ANKRD17: variants seen among roughly 807,000 people sequenced by gnomAD.
The protein encoded by ANKRD17 is ankyrin repeat domain-containing protein 17.
In ANKRD17, 19 loss-of-function variants were observed where a neutral mutation model predicts 229.7. The ratio of observed to expected loss-of-function variants is 0.08; its 90% CI spans 0.06 to 0.12. ANKRD17 has a LOEUF of 0.12. ANKRD17 is among the 10% of genes least tolerant of loss of function. The pLI, the probability that ANKRD17 is intolerant of heterozygous loss-of-function variation, is 1.00. For synonymous variants in ANKRD17, 1,112 were observed against 1,146.1 expected (o/e 0.97, Z 0.60); for missense variants, 2,176 against 3,176.8 (o/e 0.68, Z 7.57).
chr4:73,172,415 A>G (rs548551614), intron 2 of ANKRD17, among the ~76,000 whole-genome samples: 11 of 152,204 alleles, frequency 7.2e-5, no homozygotes, highest in Non-Finnish European at 1.6e-4. Context: ...AAGAAACACT[A>G]AAGAGATTTC....
intron 1 of ANKRD17, among the ~76,000 whole-genome samples, chr4:73,213,232 C>CAGATT (rs1337851806): frequency 6.6e-6 from 1 of 151,990 alleles, no homozygotes; most frequent in Non-Finnish European, 1.5e-5. Flanking sequence ...GGCAACAGGA[C>CAGATT]AGATTCAAGG....
rs1052219427 is a variant in ANKRD17, at chr4:73,074,512, A to T, written c.*1719T>A. 1 of 151,896 alleles carries T rather than the reference A, an allele frequency of 6.6e-6. No individual in the cohort carries two copies. Among genetic ancestry groups the T allele is most frequent in the African/African-American group, 2.4e-5 (1 of 41,410 alleles). 9.4% of individuals were successfully genotyped at this position (151,896 alleles called of 1,614,324 possible). A position where few individuals can be genotyped will look rare whatever the true frequency, so the allele number is the denominator to read the frequency against. ...TGGGCATATTAAACATAGGTGGAAA[A>T]ACAAATTTATATATTTTAAGACCAC... On this transcript the variant is annotated 3_prime_UTR_variant, in exon 34 of 34. Transcript: ENST00000358602.
Position 73,091,069 on chromosome 4 carries a change from C to T in ANKRD17, c.6559G>A (p.Ala2187Thr), listed in dbSNP as rs775457215. 6.2e-7 allele frequency: 1 copy of T among 1,614,106 alleles called. No homozygotes were observed. The highest frequency in any genetic ancestry group is 8.5e-7 in the Non-Finnish European group (1 of 1,180,026). ...AIRPPPHGTT[A>T]PHKNSASVQN... is the part of the protein sequence containing the mutation. ...ACTGAAGCTGAATTCTTGTGAGGGGCAGTTGTGCCATGAGGGGGTGGTCTA... is the reference window on the plus strand; with the variant it reads ...ACTGAAGCTGAATTCTTGTGAGGGGTAGTTGTGCCATGAGGGGGTGGTCTA... The change falls in exon 29 of 34, where the codon GCC becomes ACC. Residue 2187 changes from alanine (A) to threonine (T), a missense_variant. Physicochemically the swap from Ala to Thr is moderately conservative, Grantham distance 58. Around this residue, in one of 18 missense-constraint regions of ANKRD17, gnomAD observed 424 missense variants for 454.0 expected, o/e 0.93. Transcript: ENST00000358602.
Position 73,140,263 on chromosome 4 carries a change from T to C in ANKRD17, c.2353A>G (p.Ser785Gly), listed in dbSNP as rs753434261. Residue 785 changes from serine to glycine, a missense_variant, in exon 15 of 34, where the codon AGC becomes GGC. By Grantham distance (56) the Ser-to-Gly change is moderately conservative. Coordinates refer to ENST00000358602, the MANE Select transcript of ANKRD17 (RefSeq NM_032217.5). ...RNKAASKQKS[S>G]SHLPANSQDV... is the part of the protein sequence containing the mutation. ...TGGCTGTTTGCTGGCAAATGGCTGC[T>C]GGACTTTTGTTTAGAAGCAGCTGTG... 5.0e-6 allele frequency: 8 copies of C among 1,597,778 alleles called. No homozygotes were observed. In the Middle Eastern group the frequency reaches 6.7e-4, roughly 134 times the overall value.
At chr4:73,220,304 A>C (rs1427905836) in intron 1 of ANKRD17, among the ~76,000 whole-genome samples, 2 of 152,088 alleles carry the variant, frequency 1.3e-5, no homozygotes, top group Admixed American at 1.3e-4. Flanking sequence ...CCTTTTACAG[A>C]AGGTAGGCAG....
chr4:73,122,304 C>T (rs567571004), intron 18 of ANKRD17, among the ~76,000 whole-genome samples: 1 of 152,188 alleles, frequency 6.6e-6, no homozygotes, highest in Admixed American at 6.5e-5. Flanking sequence ...TAAGAAATTG[C>T]CAGGCTATTC....
intron 2 of ANKRD17, chr4:73,169,139 T>C (rs1016706787): frequency 1.3e-5 from 2 of 152,186 alleles, no homozygotes; most frequent in African/African-American, 4.8e-5. Context: ...TGGTATTCCA[T>C]GATGTAAAAT....
In ANKRD17 at chr4:73,115,898, G is replaced by A. The variant is rs528309707; in HGVS notation, c.4207C>T (p.Arg1403Cys). 1.9e-6 allele frequency: 3 copies of A among 1,613,358 alleles called. No individual in the cohort carries two copies. Among genetic ancestry groups the A allele is most frequent in the African/African-American group, 1.3e-5 (1 of 74,974 alleles). ...TGATTGACTTCTTTGACTAAGTAGC[G>A]CACCACCTTCACATGACCCTAAAAA... is the stretch of plus-strand genomic sequence containing the variant. ...AFRKGHVKVV[R>C]YLVKEVNQFP... Residue 1403 changes from arginine to cysteine, a missense_variant, in exon 23 of 34, where the codon CGC becomes TGC. Around this residue, in one of 18 missense-constraint regions of ANKRD17, gnomAD observed 178 missense variants for 421.7 expected, o/e 0.42. Transcript: ENST00000358602.
chr4:73,128,797 T>G (rs911760823), intron 16 of ANKRD17, among the ~76,000 whole-genome samples: 4 of 152,140 alleles, frequency 2.6e-5, no homozygotes, highest in African/African-American at 9.7e-5. Context: ...TCCATTGTAT[T>G]TCTGCATTAA....
At chr4:73,141,623 T>G in intron 14 of ANKRD17, 118 bp downstream of exon 14, 1 of 922,676 alleles carries the variant, frequency 1.1e-6, no homozygotes, top group East Asian at 2.6e-5. Flanking sequence ...TATCATGGGT[T>G]AAAAATTTAG....
chr4:73,221,812 C>T (rs1337433935), intron 1 of ANKRD17, among the ~76,000 whole-genome samples: 1 of 152,158 alleles, frequency 6.6e-6, no homozygotes, highest in African/African-American at 2.4e-5. Flanking sequence ...CAGGTGTCTG[C>T]AAGGAGGTAG....
intron 3 of ANKRD17, among the ~76,000 whole-genome samples, chr4:73,159,248 C>T (rs1732179289): frequency 6.6e-6 from 1 of 152,210 alleles, no homozygotes; most frequent in Non-Finnish European, 1.5e-5. Context: ...AGAACAAATC[C>T]TTCCCATAAG....
At chr4:73,224,510 C>T (rs1401980261) in intron 1 of ANKRD17, among the ~76,000 whole-genome samples, 1 of 152,108 alleles carries the variant, frequency 6.6e-6, no homozygotes, top group African/African-American at 2.4e-5. Context: ...GTACCTACTA[C>T]ACGGTTTCTG....
intron 15 of ANKRD17, among the ~76,000 whole-genome samples, chr4:73,139,047 G>GTT (rs71215490): frequency 2.0e-5 from 3 of 148,278 alleles, no homozygotes; most frequent in Admixed American, 1.3e-4. Context: ...TTGTAAAAGT[G>GTT]TTTTTTTTTT....
chr4:73,237,169 T>C (rs1254602594), intron 1 of ANKRD17, among the ~76,000 whole-genome samples: 2 of 152,278 alleles, frequency 1.3e-5, no homozygotes, highest in Non-Finnish European at 2.9e-5. Flanking sequence ...TTGATTAAGA[T>C]ATATGAATCT....
rs1408911448 is a variant in ANKRD17, at chr4:73,258,633, C to T, written c.36G>A (p.Thr12=). Residue 12 remains threonine, a synonymous_variant, in exon 1 of 34, where the codon ACG becomes ACA. Transcript: ENST00000358602. ...GGGGGCTCCCTTCTCCTTCTGCAGCCGTCGCCGCCGCCACCGGAACCGTCG... is the reference window on the plus strand; with the variant it reads ...GGGGGCTCCCTTCTCCTTCTGCAGCTGTCGCCGCCGCCACCGGAACCGTCG... ...EKATVPVAAA[T]AAEGEGSPPA... 1.3e-6 allele frequency: 2 copies of T among 1,485,422 alleles called. No individual in the cohort carries two copies. Among genetic ancestry groups the T allele is most frequent in the Non-Finnish European group, 1.8e-6 (2 of 1,126,982 alleles). The allele number at this position is 1,485,422 out of a possible 1,614,324, so 92.0% of individuals were successfully genotyped here.
intron 1 of ANKRD17, among the ~76,000 whole-genome samples, chr4:73,233,190 A>G (rs567953941): frequency 8.7e-4 from 133 of 152,250 alleles, no homozygotes; most frequent in African/African-American, 3.1e-3. Flanking sequence ...TACCAGTTTA[A>G]CTTTAATGCC....
In ANKRD17 at chr4:73,187,276, G is replaced by A. The variant is rs535711296; in HGVS notation, c.394-9743C>T. On this transcript the variant is annotated intron_variant, in intron 1 of 33. Coordinates refer to ENST00000358602, the MANE Select transcript of ANKRD17 (RefSeq NM_032217.5). ...GAATTTAGAGAAAATATTACTTCAA[G>A]AAGAAAAACCCATCCAAGAAAGGGG... 2.0e-5 allele frequency among the ~76,000 whole-genome samples: 3 copies of A among 152,224 alleles called. No homozygotes were observed. In the South Asian group the frequency reaches 6.2e-4, roughly 32 times the overall value.
At chr4:73,142,159 C>A (rs1306967540) in intron 13 of ANKRD17, 83 bp downstream of exon 13, 1 of 1,370,294 alleles carries the variant, frequency 7.3e-7, no homozygotes, top group Non-Finnish European at 9.7e-7. Flanking sequence ...CAAAAAAAAA[C>A]CCTAATTTAA....
Sources: gnomAD v4.1 joint callset for allele counts (sites outside exome capture counted in the v4.1 genomes callset) on GRCh38, gnomAD v4.1.1 for gene constraint, gnomAD v4.1.1 regional missense constraint, MANE v1.5 for transcripts, NCBI Gene and HGNC (gene_info 2026-07-23, HGNC 2026-07-21) for gene names.